Variants in TEAD4 observed in about 807,000 individuals in gnomAD.
The protein encoded by TEAD4 is transcriptional enhancer factor TEF-3.
In TEAD4, 36 loss-of-function variants were observed where a neutral mutation model predicts 52.4. The observed-to-expected ratio is 0.69, with a 90% CI of 0.53 to 0.91. TEAD4 has a LOEUF of 0.91. TEAD4 is among the 40% of genes least tolerant of loss of function. The pLI, the probability that TEAD4 is intolerant of heterozygous loss-of-function variation, is 0.00. For synonymous variants in TEAD4, 220 were observed against 231.0 expected (o/e 0.95, Z 0.43); for missense variants, 508 against 583.9 (o/e 0.87, Z 1.34).
chr12:2,995,695 G>C (rs1294420036), intron 3 of TEAD4, among the ~76,000 whole-genome samples: 2 of 152,170 alleles, frequency 1.3e-5, no homozygotes, highest in African/African-American at 4.8e-5. Flanking sequence ...GGATGGAAGA[G>C]GGGGCATCTG....
chr12:2,993,083 T>C (rs933972636), intron 2 of TEAD4, among the ~76,000 whole-genome samples: 2 of 152,208 alleles, frequency 1.3e-5, no homozygotes, highest in African/African-American at 4.8e-5. Context: ...CATTATATTG[T>C]ATATGCGTTT....
intron 5 of TEAD4, among the ~76,000 whole-genome samples, chr12:3,014,005 T>C (rs2098262452): frequency 6.6e-6 from 1 of 152,196 alleles, no homozygotes; most frequent in South Asian, 2.1e-4. Context: ...CCACAGACCT[T>C]TCTGCCTCCT....
At chr12:2,964,176 C>T (rs980494604) in intron 2 of TEAD4, among the ~76,000 whole-genome samples, 5 of 152,178 alleles carry the variant, frequency 3.3e-5, no homozygotes, top group East Asian at 3.9e-4. Context: ...GCTGAGCTTT[C>T]GGCTCTTACT....
intron 3 of TEAD4, among the ~76,000 whole-genome samples, chr12:3,003,276 A>G (rs538330315): frequency 6.6e-6 from 1 of 152,334 alleles, no homozygotes; most frequent in South Asian, 2.1e-4. Flanking sequence ...AGCATTCGTT[A>G]TAATAGGGCT....
chr12:2,977,286 G>GTC (rs539036756), intron 2 of TEAD4, among the ~76,000 whole-genome samples: 5 of 152,040 alleles, frequency 3.3e-5, no homozygotes, highest in Middle Eastern at 3.4e-3. Flanking sequence ...TGCCCCAGGC[G>GTC]TCTCTCTCTC....
intron 10 of TEAD4, among the ~76,000 whole-genome samples, 156 bp from the exon 11 acceptor site, chr12:3,037,812 G>A (rs2098280293): frequency 6.6e-6 from 1 of 152,152 alleles, no homozygotes; most frequent in African/African-American, 2.4e-5. Context: ...CAGAGATGTA[G>A]AGGAATGTGG....
chr12:2,995,544 G>A (rs555429683), intron 3 of TEAD4, among the ~76,000 whole-genome samples: 12 of 152,156 alleles, frequency 7.9e-5, no homozygotes, highest in South Asian at 2.1e-4. Context: ...ACTCCCCTAG[G>A]AAAGGCCCCC....
chr12:3,014,926 C>T (rs1426718813), intron 5 of TEAD4, among the ~76,000 whole-genome samples: 4 of 152,214 alleles, frequency 2.6e-5, no homozygotes, highest in Admixed American at 6.5e-5. Flanking sequence ...CGCAAGGGTG[C>T]GCCTGCCAAG....
chr12:3,005,915 G>GGT (rs1261399946), intron 3 of TEAD4, among the ~76,000 whole-genome samples: 1 of 152,204 alleles, frequency 6.6e-6, no homozygotes, highest in Non-Finnish European at 1.5e-5. Context: ...TGGGGTTATA[G>GGT]GTGTGAGTCA....
At chr12:3,028,591 G>A (rs751812839) in intron 10 of TEAD4, among the ~76,000 whole-genome samples, 23 of 151,946 alleles carry the variant, frequency 1.5e-4, no homozygotes, top group Admixed American at 3.3e-4. Context: ...CTGGCCATTC[G>A]TATATCTTCT....
chr12:2,981,151 CT>C (rs2098233794), intron 2 of TEAD4, among the ~76,000 whole-genome samples: 1 of 152,180 alleles, frequency 6.6e-6, no homozygotes, highest in African/African-American at 2.4e-5. Flanking sequence ...ACGTGTGTCC[CT>C]CAGTGTCCAG....
intron 3 of TEAD4, among the ~76,000 whole-genome samples, chr12:3,004,724 C>T (rs1043545958): frequency 2.0e-5 from 3 of 152,230 alleles, no homozygotes; most frequent in Non-Finnish European, 2.9e-5. Context: ...GATACTTGTA[C>T]TGATGAGGTA....
chr12:2,999,141 G>A (rs920659140), intron 3 of TEAD4, among the ~76,000 whole-genome samples: 19 of 152,192 alleles, frequency 1.2e-4, no homozygotes, highest in African/African-American at 3.9e-4. Flanking sequence ...AGGCCGAGCT[G>A]AGAGCTGACT....
chr12:2,965,375 A>T (rs7963997), intron 2 of TEAD4, among the ~76,000 whole-genome samples: 2 of 151,026 alleles, frequency 1.3e-5, no homozygotes, highest in Non-Finnish European at 3.0e-5. Context: ...GTCCAGGCAG[A>T]ACTCAAACTC....
At position 2,994,740 on chromosome 12, in the gene TEAD4, C is replaced by A; in HGVS notation, c.-27C>A. 1 of 1,576,556 alleles carries A rather than the reference C, an allele frequency of 6.3e-7. No individual in the cohort carries two copies. Among genetic ancestry groups the A allele is most frequent in the South Asian group, 1.2e-5 (1 of 85,066 alleles). On this transcript the variant is annotated splice_region_variant and 5_prime_UTR_variant, in exon 3 of 13. Coordinates refer to ENST00000359864, the MANE Select transcript of TEAD4 (RefSeq NM_003213.4). This position sits in a 1 kb window ranked among gnomAD's most constrained non-coding sequence, Gnocchi z 4.7. ...GGCTGTGGTTCCTGTCCCCACAGGT[C>A]CAACGAGCGCTCCTCCAAGCGGAGC...
At chr12:3,040,037 G>GT in intron 11 of TEAD4, 70 bp from the exon 12 acceptor site, 1 of 1,584,132 alleles carries the variant, frequency 6.3e-7, no homozygotes, top group Admixed American at 1.7e-5. Context: ...TTTCCTTCCC[G>GT]TGGAGTTGGG....
At chr12:2,974,953 G>A (rs1323958180) in intron 2 of TEAD4, among the ~76,000 whole-genome samples, 2 of 152,102 alleles carry the variant, frequency 1.3e-5, no homozygotes, top group Non-Finnish European at 2.9e-5. Flanking sequence ...TTTCAGATCT[G>A]CATTTTCCTA....
chr12:2,996,357 A>C (rs2098247141), intron 3 of TEAD4, among the ~76,000 whole-genome samples: 1 of 149,616 alleles, frequency 6.7e-6, no homozygotes, highest in South Asian at 2.1e-4. Context: ...CCCTGCTTTG[A>C]CCACTTCTTG....
chr12:3,006,260 G>C (rs758968027), intron 3 of TEAD4, among the ~76,000 whole-genome samples: 2 of 152,048 alleles, frequency 1.3e-5, no homozygotes, highest in Non-Finnish European at 2.9e-5. Flanking sequence ...TTTGGATTTC[G>C]GATTTTAGGA....
Sources: gnomAD v4.1 joint callset for allele counts (sites outside exome capture counted in the v4.1 genomes callset) on GRCh38, gnomAD v4.1.1 for gene constraint, Gnocchi (gnomAD v3.1) non-coding constraint, MANE v1.5 for transcripts, NCBI Gene and HGNC (gene_info 2026-07-23, HGNC 2026-07-21) for gene names.